The following GSDME variants were observed in gnomAD, a reference collection of about 807,000 sequenced individuals.
The protein encoded by GSDME is gasdermin-E.
GSDME carries 44 observed loss-of-function variants against 47.5 expected under a neutral mutation model. That is an observed-to-expected ratio of 0.93 (90% CI 0.73 to 1.19). GSDME has a LOEUF of 1.19. Among genes scored for constraint, GSDME ranks in the 50% most tolerant of loss-of-function variants. The pLI is 0.00. For missense variants in GSDME, 663 were observed against 604.2 expected (o/e 1.10, Z -1.02); for synonymous variants, 258 against 252.8 (o/e 1.02, Z -0.20).
intron 8 of GSDME, 59 bp from the exon 9 acceptor site, chr7:24,702,892 C>T (rs1788932240): frequency 6.8e-7 from 1 of 1,467,158 alleles, no homozygotes; most frequent in Non-Finnish European, 9.5e-7. Context: ...GGAACAGAGC[C>T]AGCCCCTGGA....
At position 24,749,690 on chromosome 7, in the gene GSDME, C is replaced by T; in HGVS notation, c.85G>A (p.Asp29Asn). Residue 29 changes from aspartate (D) to asparagine (N), a missense_variant, in exon 2 of 10, where the codon GAT becomes AAT. Asp to Asn is a conservative substitution (Grantham distance 23, BLOSUM62 1). Transcript: ENST00000645220. ...LIAVSNLNDS[D>N]KLQLLSLVTK... ...ACCAGACTTAGAAGCTGTAACTTAT[C>T]AGAGTCATTCAGATTTGATACTGCA... 6.2e-7 allele frequency: 1 copy of T among 1,614,090 alleles called. No individual in the cohort carries two copies. The highest frequency in any genetic ancestry group is 8.5e-7 in the Non-Finnish European group (1 of 1,179,992).
Position 24,728,110 on chromosome 7 carries a change from T to C in GSDME, c.405-8892A>G, listed in dbSNP as rs1307912243. Among the ~76,000 whole-genome samples the C allele has an allele frequency of 6.6e-6, 1 of 152,200 alleles. No individual in the cohort carries two copies. The highest frequency in any genetic ancestry group is 1.5e-5 in the Non-Finnish European group (1 of 68,032). ...ATTCTTGGTCACTCCGTTTTTCTTA[T>C]CAGGAATCGGGGGCAATTCTGGCCA... On this transcript the variant is annotated intron_variant, in intron 3 of 9. Transcript: ENST00000645220. The surrounding 1 kb of genome is among the most constrained non-coding windows in gnomAD (Gnocchi z 7.2).
chr7:24,713,605 C>T (rs75501895), intron 5 of GSDME, among the ~76,000 whole-genome samples: 4 of 152,230 alleles, frequency 2.6e-5, no homozygotes, highest in Non-Finnish European at 2.9e-5. Context: ...AGTGAGATCA[C>T]GGGGCAAGTG....
At chr7:24,795,136 T>C in the GSDME span, among the ~76,000 whole-genome samples, 1 of 152,198 alleles carries the variant, frequency 6.6e-6, no homozygotes, top group Non-Finnish European at 1.5e-5. Flanking sequence ...TTCCCGCTGT[T>C]CAGCCGCTGC....
chr7:24,751,932 T>A (rs1295236710), intron 1 of GSDME, among the ~76,000 whole-genome samples: 1 of 152,228 alleles, frequency 6.6e-6, no homozygotes, highest in Admixed American at 6.5e-5. Context: ...TGGCAGAGAT[T>A]GTTCCAGGGA....
At chr7:24,710,796 C>A (rs77608894) in intron 5 of GSDME, among the ~76,000 whole-genome samples, 1 of 151,934 alleles carries the variant, frequency 6.6e-6, no homozygotes, top group South Asian at 2.1e-4. Context: ...ATTTAGGTGG[C>A]CAAGTAGTTA....
the GSDME span, among the ~76,000 whole-genome samples, chr7:24,784,189 G>T: frequency 6.6e-6 from 1 of 152,104 alleles, no homozygotes; most frequent in Non-Finnish European, 1.5e-5. Context: ...CTTCTATGAT[G>T]GCTTGAGAGA....
At chr7:24,699,700 A>G (rs1293969749) in intron 9 of GSDME, among the ~76,000 whole-genome samples, 1 of 152,130 alleles carries the variant, frequency 6.6e-6, no homozygotes, top group Admixed American at 6.5e-5. Context: ...GTGTAACATG[A>G]TATATTTGAT....
chr7:24,705,780 G>A lies in GSDME; in HGVS notation c.1183+404C>T, dbSNP rs1789071624. ...GAGCACGCAGGGTGGGGAATAACAAGTTTGCAAAGATCAGAAGGACTGAAA... is the reference window on the plus strand; with the variant it reads ...GAGCACGCAGGGTGGGGAATAACAAATTTGCAAAGATCAGAAGGACTGAAA... On this transcript the variant is annotated intron_variant, in intron 8 of 9. Coordinates refer to ENST00000645220, the MANE Select transcript of GSDME (RefSeq NM_001127453.2). This position sits in a 1 kb window ranked among gnomAD's most constrained non-coding sequence, Gnocchi z 4.1. The A allele has an allele frequency of 5.9e-6, 2 of 338,982 alleles. No homozygotes were observed. The highest frequency in any genetic ancestry group is 4.3e-5 in the African/African-American group (2 of 46,644). 21.0% of individuals were successfully genotyped at this position (338,982 alleles called of 1,614,324 possible).
chr7:24,747,048 C>T (rs1243085490), intron 2 of GSDME, among the ~76,000 whole-genome samples: 1 of 152,236 alleles, frequency 6.6e-6, no homozygotes, highest in Non-Finnish European at 1.5e-5. Flanking sequence ...GTGACCGCCA[C>T]TGGCCTCACC....
the GSDME span, among the ~76,000 whole-genome samples, chr7:24,789,477 CA>C: frequency 6.6e-6 from 1 of 152,192 alleles, no homozygotes; most frequent in Non-Finnish European, 1.5e-5. Flanking sequence ...ATTAAGCAAG[CA>C]AGGGGTACAT....
At chr7:24,791,190 C>T in the GSDME span, among the ~76,000 whole-genome samples, 3 of 152,080 alleles carry the variant, frequency 2.0e-5, no homozygotes, top group Non-Finnish European at 4.4e-5. The surrounding 1 kb of genome is among the most constrained non-coding windows in gnomAD (Gnocchi z 4.8). Flanking sequence ...GTCTGGGGTC[C>T]TTTTCACCGT....
intron 8 of GSDME, chr7:24,703,835 A>C (rs1423956307): frequency 6.6e-6 from 1 of 152,222 alleles, no homozygotes; most frequent in Admixed American, 6.5e-5. Flanking sequence ...TTTCTCAAGT[A>C]GTCTCTTACC....
In GSDME at chr7:24,712,212, A is replaced by G. The variant is rs144842572; in HGVS notation, c.698-1824T>C. Among the ~76,000 whole-genome samples the G allele has an allele frequency of 1.3e-5, 2 of 152,182 alleles. No homozygotes were observed. The highest frequency in any genetic ancestry group is 4.8e-5 in the African/African-American group (2 of 41,494). The stretch of plus-strand genomic sequence containing the variant: ...CCACACCAGCATTCAGGCTGACCCT[A>G]CTCCTCCACACTTTGCGCTTAGCCA... On this transcript the variant is annotated intron_variant, in intron 5 of 9. Transcript: ENST00000645220. This position sits in a 1 kb window ranked among gnomAD's most constrained non-coding sequence, Gnocchi z 4.4.
chr7:24,781,016 C>G, the GSDME span, among the ~76,000 whole-genome samples: 1 of 152,204 alleles, frequency 6.6e-6, no homozygotes, highest in Non-Finnish European at 1.5e-5. Context: ...CGTGGCCCAT[C>G]ATGTTTCTTC....
At chr7:24,708,808 C>A (rs1415087569) in intron 6 of GSDME, among the ~76,000 whole-genome samples, 1 of 152,208 alleles carries the variant, frequency 6.6e-6, no homozygotes. Flanking sequence ...TTCATGAGTC[C>A]TCAAGCTGAG....
Position 24,707,169 on chromosome 7 carries a change from CAA to C in GSDME, c.991-795_991-794del, listed in dbSNP as rs1484437227. The stretch of plus-strand genomic sequence containing the variant: ...AGGCTCTTTCGGCACAATCTAATTT[CAA>C]GAGAGAAAAATAATATGAACACTTC... On this transcript the variant is annotated intron_variant, in intron 7 of 9. Coordinates refer to ENST00000645220, the MANE Select transcript of GSDME (RefSeq NM_001127453.2). 2.4e-5 allele frequency: 9 copies of C among 376,664 alleles called. No homozygotes were observed. In the East Asian group the frequency reaches 6.5e-4, roughly 27 times the overall value. 23.3% of individuals were successfully genotyped at this position (376,664 alleles called of 1,614,324 possible). A position where few individuals can be genotyped will look rare whatever the true frequency, so the allele number is the denominator to read the frequency against.
At chr7:24,713,685 T>C (rs1163068391) in intron 5 of GSDME, among the ~76,000 whole-genome samples, 4 of 152,224 alleles carry the variant, frequency 2.6e-5, no homozygotes, top group Non-Finnish European at 5.9e-5. Context: ...TGGTGCAGAC[T>C]GCATTCTTGG....
At chr7:24,707,352 T>C (rs1562688596) in intron 7 of GSDME, 1 of 471,370 alleles carries the variant, frequency 2.1e-6, no homozygotes, top group Non-Finnish European at 4.4e-6. Context: ...GCTGGAGGGT[T>C]GGCAGCTTGT....
Sources: allele counts gnomAD v4.1 joint callset (sites outside exome capture counted in the v4.1 genomes callset), GRCh38; gene constraint gnomAD v4.1.1; non-coding constraint Gnocchi (gnomAD v3.1); transcripts MANE v1.5; gene names NCBI Gene and HGNC (gene_info 2026-07-23, HGNC 2026-07-21).